Variants in MTOR observed in about 807,000 individuals in gnomAD.
MTOR encodes the protein mechanistic target of rapamycin kinase.
A neutral mutation model predicts 319.8 loss-of-function variants in MTOR; 70 were observed. That is an observed-to-expected ratio of 0.22 (90% CI 0.18 to 0.27). The LOEUF is 0.27. MTOR is among the 10% of genes least tolerant of loss of function. MTOR has a pLI of 1.00. For synonymous variants in MTOR, 1,183 were observed against 1,211.4 expected, an observed-to-expected ratio of 0.98 and a Z score of 0.49; for missense variants, 1,890 against 3,274.4, an observed-to-expected ratio of 0.58 and a Z score of 10.32.
chr1:11,231,099 A>C, intron 17 of MTOR, 45 bp from the exon 18 acceptor site: 1 of 1,613,808 alleles, frequency 6.2e-7, no homozygotes, highest in Non-Finnish European at 8.5e-7. Flanking sequence ...TCATCACAAC[A>C]TGATTACAAC....
intron 24 of MTOR, among the ~76,000 whole-genome samples, chr1:11,209,832 G>C (rs1407765452): frequency 1.3e-5 from 2 of 152,100 alleles, no homozygotes; most frequent in African/African-American, 4.8e-5. Context: ...TTATTTATTT[G>C]TGCCACTCCC....
At chr1:11,220,998 AT>A (rs112822190) in intron 19 of MTOR, among the ~76,000 whole-genome samples, 7,672 of 145,110 alleles carry the variant, frequency 0.053, 259 homozygotes, top group South Asian at 0.12. Flanking sequence ...ACAAAAGTTA[AT>A]TTTTTTTTTT....
intron 29 of MTOR, among the ~76,000 whole-genome samples, chr1:11,157,959 G>A (rs1644366668): frequency 6.6e-6 from 1 of 152,156 alleles, no homozygotes; most frequent in African/African-American, 2.4e-5. Flanking sequence ...TCAGTGCTTG[G>A]CAGGTTTACC....
chr1:11,161,126 C>T (rs1571030354), intron 29 of MTOR, among the ~76,000 whole-genome samples: 1 of 152,208 alleles, frequency 6.6e-6, no homozygotes, highest in African/African-American at 2.4e-5. Flanking sequence ...AATGGCACAT[C>T]AGGAGATTAT....
intron 18 of MTOR, 77 bp downstream of exon 18, chr1:11,230,848 C>T: frequency 6.3e-7 from 1 of 1,595,324 alleles, no homozygotes; most frequent in Non-Finnish European, 8.6e-7. Flanking sequence ...AATCCAGCTC[C>T]AGACTTTCTA....
At chr1:11,177,963 T>C (rs1645039537) in intron 28 of MTOR, among the ~76,000 whole-genome samples, 1 of 137,568 alleles carries the variant, frequency 7.3e-6, no homozygotes, top group Non-Finnish European at 1.5e-5. Flanking sequence ...GATGAAAGTA[T>C]AGATACAATT....
At chr1:11,112,948 T>A in intron 53 of MTOR, 31 bp from the exon 54 acceptor site, 1 of 1,594,644 alleles carries the variant, frequency 6.3e-7, no homozygotes, top group Non-Finnish European at 8.5e-7. Flanking sequence ...TATTGAAACA[T>A]GCTTCAAATT....
chr1:11,226,291 A>T (rs931287631), intron 19 of MTOR: 10 of 152,202 alleles, frequency 6.6e-5, no homozygotes, highest in African/African-American at 2.4e-4. Context: ...GCATTGGAAC[A>T]ATCTAGAGAA....
rs7535631 is a variant in MTOR, at chr1:11,115,636, C to T, written c.7017-168G>A. On this transcript the variant is annotated intron_variant, in intron 50 of 57. Coordinates refer to ENST00000361445, the MANE Select transcript of MTOR (RefSeq NM_004958.4). This position sits in a 1 kb window ranked among gnomAD's most constrained non-coding sequence, Gnocchi z 4.5. Reference sequence around the variant, plus strand: ...TCCAGTTTTACTGGAACACACAGCACGCTCCCTTGTTTAAGTACTGTTCCA... The same window carrying T: ...TCCAGTTTTACTGGAACACACAGCATGCTCCCTTGTTTAAGTACTGTTCCA... 2,495 of 630,966 alleles carry T rather than the reference C, an allele frequency of 4.0e-3. 44 individuals are homozygous for T. The highest frequency in any genetic ancestry group is 0.039 in the African/African-American group (2,153 of 55,482). The allele number at this position is 630,966 out of a possible 1,614,324, so 39.1% of individuals were successfully genotyped here.
rs564688852 is a variant in MTOR, at chr1:11,150,063, T to C, written c.4570+63A>G. The C allele has an allele frequency of 5.5e-6, 8 of 1,461,560 alleles. No homozygotes were observed. In the East Asian group the frequency reaches 1.4e-4, roughly 25 times the overall value. 90.5% of individuals were successfully genotyped at this position (1,461,560 alleles called of 1,614,324 possible). A position where few individuals can be genotyped will look rare whatever the true frequency, so the allele number is the denominator to read the frequency against. On this transcript the variant is annotated intron_variant, in intron 31 of 57. Transcript: ENST00000361445. ...ACCTAGAGCCAGCACCTTACTCTTC[T>C]GATGCGAGCCCCTAGCCTCACTCAC...
intron 34 of MTOR, among the ~76,000 whole-genome samples, chr1:11,141,816 C>T (rs889860798): frequency 4.7e-5 from 7 of 149,658 alleles, no homozygotes; most frequent in African/African-American, 1.7e-4. Context: ...GAAACCCCGT[C>T]TCTACTAAAA....
chr1:11,152,185 T>A (rs1270873291), intron 30 of MTOR, among the ~76,000 whole-genome samples: 1 of 152,166 alleles, frequency 6.6e-6, no homozygotes, highest in Non-Finnish European at 1.5e-5. Context: ...GGCGGTTGGG[T>A]GAGGGGCAAA....
In MTOR at chr1:11,128,308, T is replaced by C; in HGVS notation, c.5910+146A>G. On this transcript the variant is annotated intron_variant, in intron 42 of 57. Transcript: ENST00000361445. The surrounding 1 kb of genome is among the most constrained non-coding windows in gnomAD (Gnocchi z 5.3). ...TTTTTAGCAAGGCTCCCGGGCCCTC[T>C]GGGACGGCTGGCTGGACAGACCCTC... The C allele has an allele frequency of 8.2e-7, 1 of 1,216,564 alleles. No homozygotes were observed. The highest frequency in any genetic ancestry group is 1.2e-6 in the Non-Finnish European group (1 of 865,390). 75.4% of individuals were successfully genotyped at this position (1,216,564 alleles called of 1,614,324 possible).
chr1:11,159,148 T>C (rs1215113178), intron 29 of MTOR, among the ~76,000 whole-genome samples: 1 of 152,170 alleles, frequency 6.6e-6, no homozygotes, highest in Non-Finnish European at 1.5e-5. Flanking sequence ...GCGGAGTCCT[T>C]GTCTCAATCA....
At chr1:11,162,189 T>A (rs554300555) in intron 29 of MTOR, among the ~76,000 whole-genome samples, 1 of 152,082 alleles carries the variant, frequency 6.6e-6, no homozygotes, top group Non-Finnish European at 1.5e-5. Flanking sequence ...TATCAGTGAC[T>A]GAAGATCAAA....
At chr1:11,163,192 C>A (rs972516635) in intron 29 of MTOR, among the ~76,000 whole-genome samples, 4 of 152,100 alleles carry the variant, frequency 2.6e-5, no homozygotes, top group Admixed American at 1.3e-4. Flanking sequence ...ACAAAGAAGG[C>A]AACTATATAA....
intron 30 of MTOR, among the ~76,000 whole-genome samples, chr1:11,154,525 A>G (rs75077113): frequency 7.4e-6 from 1 of 135,978 alleles, no homozygotes; most frequent in African/African-American, 2.9e-5. Flanking sequence ...CTCTCTCTCT[A>G]TATATATATA....
intron 14 of MTOR, among the ~76,000 whole-genome samples, chr1:11,233,787 G>C (rs1438505436): frequency 6.6e-6 from 1 of 152,206 alleles, no homozygotes; most frequent in Non-Finnish European, 1.5e-5. Context: ...GACTTCACGT[G>C]ACTCTAATGT....
At chr1:11,130,230 C>T (rs541183382) in intron 39 of MTOR, among the ~76,000 whole-genome samples, 1 of 152,280 alleles carries the variant, frequency 6.6e-6, no homozygotes, top group African/African-American at 2.4e-5. Context: ...CAGAGTGGAC[C>T]CGCAGCTGTG....
Sources: allele counts gnomAD v4.1 joint callset (sites outside exome capture counted in the v4.1 genomes callset), GRCh38; gene constraint gnomAD v4.1.1; non-coding constraint Gnocchi (gnomAD v3.1); transcripts MANE v1.5; gene names NCBI Gene and HGNC (gene_info 2026-07-23, HGNC 2026-07-21).